Variants in ADHFE1 observed in about 807,000 individuals in gnomAD.
ADHFE1 encodes alcohol dehydrogenase iron containing 1, also known as hydroxyacid-oxoacid transhydrogenase, mitochondrial.
Under a neutral mutation model 54.8 loss-of-function variants are expected in ADHFE1, and 37 were observed. The observed-to-expected ratio is 0.68, with a 90% CI of 0.52 to 0.89. The LOEUF (loss-of-function observed/expected upper bound fraction) is 0.89, where lower values mean the gene tolerates loss of function less well. ADHFE1 is among the 40% of genes least tolerant of loss of function. The pLI, the probability that ADHFE1 is intolerant of heterozygous loss-of-function variation, is 0.00. For synonymous variants in ADHFE1, 203 were observed against 229.3 expected (o/e 0.89, Z 1.04); for missense variants, 601 against 591.2 (o/e 1.02, Z -0.17).
chr8:66,447,220 C>A (rs765777472), intron 6 of ADHFE1, 44 bp from the exon 7 acceptor site: 1 of 1,569,026 alleles, frequency 6.4e-7, no homozygotes, highest in Non-Finnish European at 8.8e-7. Flanking sequence ...CTCCACTAAC[C>A]TTTATTTAGA....
At chr8:66,438,148 T>C (rs761133729) in intron 1 of ADHFE1, among the ~76,000 whole-genome samples, 7 of 152,242 alleles carry the variant, frequency 4.6e-5, no homozygotes, top group South Asian at 2.1e-4. Context: ...ATTGGAAATA[T>C]GCCCCGACTA....
At chr8:66,435,971 A>G (rs1246764385) in intron 1 of ADHFE1, among the ~76,000 whole-genome samples, 1 of 145,624 alleles carries the variant, frequency 6.9e-6, no homozygotes, top group Admixed American at 7.1e-5. Flanking sequence ...GCTGGAGTAC[A>G]GTGGTGTGAT....
At chr8:66,450,834 G>A (rs926155753) in intron 8 of ADHFE1, among the ~76,000 whole-genome samples, 5 of 152,180 alleles carry the variant, frequency 3.3e-5, no homozygotes, top group South Asian at 2.1e-4. Context: ...CACATTCCCC[G>A]CTTAGAACCA....
intron 1 of ADHFE1, among the ~76,000 whole-genome samples, chr8:66,435,083 G>A (rs1177075168): frequency 6.6e-6 from 1 of 152,124 alleles, no homozygotes; most frequent in Non-Finnish European, 1.5e-5. Context: ...GGGGCACAGG[G>A]GATAGATGAC....
intron 8 of ADHFE1, among the ~76,000 whole-genome samples, chr8:66,449,641 T>C (rs1036985450): frequency 2.0e-5 from 3 of 152,240 alleles, no homozygotes; most frequent in Non-Finnish European, 4.4e-5. Context: ...TCACAGACCT[T>C]GCTCCTGAGC....
intron 1 of ADHFE1, chr8:66,432,996 T>G: frequency 1.3e-6 from 1 of 774,242 alleles, no homozygotes; most frequent in Non-Finnish European, 1.6e-6. Flanking sequence ...TGAGGTCTAG[T>G]GGGGAATGGG....
intron 9 of ADHFE1, among the ~76,000 whole-genome samples, chr8:66,453,391 T>C (rs1806404772): frequency 6.6e-6 from 1 of 152,208 alleles, no homozygotes; most frequent in South Asian, 2.1e-4. Context: ...AAAGCCCACA[T>C]GAAAAGTAGG....
Position 66,448,898 on chromosome 8 carries a change from G to T in ADHFE1, c.662G>T (p.Gly221Val). 1 of 1,614,104 alleles carries T rather than the reference G, an allele frequency of 6.2e-7. No individual in the cohort carries two copies. The highest frequency in any genetic ancestry group is 8.5e-7 in the Non-Finnish European group (1 of 1,180,030). The change falls in exon 8 of 14, where the codon GGA becomes GTA. Residue 221 changes from glycine (G) to valine (V), a missense_variant. Transcript: ENST00000396623. ...ITSRAIKPTL[G>V]LIDPLHTLHM... Reference sequence around the variant, plus strand: ...TCGAGAGCCATCAAACCCACACTGGGACTGATTGATCCTCTGCACACCCTC... The same window carrying T: ...TCGAGAGCCATCAAACCCACACTGGTACTGATTGATCCTCTGCACACCCTC...
Position 66,448,936 on chromosome 8 carries a change from C to T in ADHFE1, c.700C>T (p.Arg234Ter), listed in dbSNP as rs751783445. 24 of 1,614,030 alleles carry T rather than the reference C, an allele frequency of 1.5e-5. No individual in the cohort carries two copies. Among genetic ancestry groups the T allele is most frequent in the South Asian group, 3.3e-5 (3 of 91,092 alleles). ...TCTGCACACCCTCCACATGCCTGCC[C>T]GAGTGGTCGCCAACAGTGGCTTTGA... is the stretch of plus-strand genomic sequence containing the variant. ...DPLHTLHMPA[R>*]VVANSGFDVL... Residue 234 changes from arginine (R) to a stop codon, truncating the protein, a stop_gained, in exon 8 of 14, where the codon CGA becomes TGA. Coordinates refer to ENST00000396623, the MANE Select transcript of ADHFE1 (RefSeq NM_144650.3). LOFTEE classifies it high-confidence loss of function.
intron 4 of ADHFE1, 82 bp downstream of exon 4, chr8:66,444,502 C>A: frequency 1.2e-6 from 2 of 1,604,744 alleles, no homozygotes; most frequent in Non-Finnish European, 1.7e-6. Flanking sequence ...ACAATCACAT[C>A]CTCTATTTTT....
At position 66,448,853 on chromosome 8, in the gene ADHFE1, C is replaced by T. The variant is rs536915554; in HGVS notation, c.629-12C>T. ...ATGGCTTTAGCCTCTACTGAAAATC[C>T]TTATGTTTTAGGCATCACTTCGAGA... On this transcript the variant is annotated splice_polypyrimidine_tract_variant and intron_variant, in intron 7 of 13. Coordinates refer to ENST00000396623, the MANE Select transcript of ADHFE1 (RefSeq NM_144650.3). 1.9e-6 allele frequency: 3 copies of T among 1,611,286 alleles called. No homozygotes were observed. The highest frequency in any genetic ancestry group is 1.1e-5 in the South Asian group (1 of 90,820).
chr8:66,442,802 T>A lies in ADHFE1; in HGVS notation c.102T>A (p.Pro34=). Residue 34 remains proline, a synonymous_variant, in exon 3 of 14, where the codon CCT becomes CCA. Coordinates refer to ENST00000396623, the MANE Select transcript of ADHFE1 (RefSeq NM_144650.3). ...TGCTAACTTTTACATTTCTAGCCCC[T>A]GGACTTTCACCTTCTGGGAAAACAA... ...PTHSHTYSQA[P]GLSPSGKTTD... The A allele has an allele frequency of 2.5e-6, 4 of 1,598,236 alleles. No individual in the cohort carries two copies. Among genetic ancestry groups the A allele is most frequent in the Non-Finnish European group, 3.4e-6 (4 of 1,175,990 alleles).
At chr8:66,446,561 AC>A (rs1345031300) in intron 6 of ADHFE1, among the ~76,000 whole-genome samples, 4 of 152,232 alleles carry the variant, frequency 2.6e-5, no homozygotes. Flanking sequence ...CAGAAGTCAT[AC>A]ATGCATGTTA....
At chr8:66,447,221 T>G (rs1806078822) in intron 6 of ADHFE1, 43 bp from the exon 7 acceptor site, 4 of 1,571,510 alleles carry the variant, frequency 2.5e-6, no homozygotes, top group Non-Finnish European at 3.5e-6. Context: ...TCCACTAACC[T>G]TTATTTAGAT....
chr8:66,457,372 G>T (rs1806642092), intron 12 of ADHFE1, among the ~76,000 whole-genome samples: 1 of 151,540 alleles, frequency 6.6e-6, no homozygotes, highest in South Asian at 2.1e-4. Context: ...CAGCTACTTG[G>T]GAGGCTGAAG....
intron 9 of ADHFE1, among the ~76,000 whole-genome samples, chr8:66,452,423 A>G (rs1411421136): frequency 2.6e-5 from 4 of 152,234 alleles, no homozygotes; most frequent in Non-Finnish European, 5.9e-5. Flanking sequence ...GATGTTGGCT[A>G]TGCCCATCCA....
intron 13 of ADHFE1, 107 bp from the exon 14 acceptor site, chr8:66,468,161 GT>G: frequency 1.3e-6 from 1 of 755,216 alleles, no homozygotes; most frequent in Non-Finnish European, 2.2e-6. Context: ...AAGATATGGC[GT>G]TTATCAAGTC....
chr8:66,442,861 C>T lies in ADHFE1; in HGVS notation c.144+17C>T. 6.5e-7 allele frequency: 1 copy of T among 1,547,802 alleles called. No individual in the cohort carries two copies. Among genetic ancestry groups the T allele is most frequent in the East Asian group, 2.3e-5 (1 of 42,566 alleles). ...GCCTTTGAGGTATATTCACTCAATC[C>T]ATTATTTCTTTTATGAATGACTAGA... is the stretch of plus-strand genomic sequence containing the variant. On this transcript the variant is annotated intron_variant, in intron 3 of 13. Transcript: ENST00000396623.
At chr8:66,463,615 T>A (rs1807019974) in intron 13 of ADHFE1, among the ~76,000 whole-genome samples, 1 of 152,212 alleles carries the variant, frequency 6.6e-6, no homozygotes, top group Non-Finnish European at 1.5e-5. Context: ...ATTTTGTTTG[T>A]TTGTTTGATG....
Sources: allele counts gnomAD v4.1 joint callset (sites outside exome capture counted in the v4.1 genomes callset), GRCh38; gene constraint gnomAD v4.1.1; transcripts MANE v1.5; gene names NCBI Gene and HGNC (gene_info 2026-07-23, HGNC 2026-07-21).